The following RNF138 variants were observed in gnomAD, a reference collection of about 807,000 sequenced individuals.
RNF138 encodes E3 ubiquitin-protein ligase RNF138.
A neutral mutation model predicts 31.0 loss-of-function variants in RNF138; 12 were observed. That is an observed-to-expected ratio of 0.39 (90% confidence interval 0.25 to 0.63). The LOEUF (loss-of-function observed/expected upper bound fraction) is 0.63, where lower values mean the gene tolerates loss of function less well. RNF138 is among the 20% of genes least tolerant of loss of function. The probability of loss-of-function intolerance (pLI) is 0.52; values close to 1 mark genes in which losing one functional copy is unlikely to be tolerated. For missense variants in RNF138, 192 were observed against 300.1 expected, an observed-to-expected ratio of 0.64 and a Z score of 2.66; for synonymous variants, 105 against 99.5, an observed-to-expected ratio of 1.06 and a Z score of -0.33.
At chr18:32,101,824 A>G (rs903780848) in intron 2 of RNF138, among the ~76,000 whole-genome samples, 1 of 152,196 alleles carries the variant, frequency 6.6e-6, no homozygotes, top group African/African-American at 2.4e-5. Context: ...TCTAGAAGTC[A>G]CATTAAAATG....
At chr18:32,105,686 T>G (rs2040016786) in intron 2 of RNF138, among the ~76,000 whole-genome samples, 1 of 152,222 alleles carries the variant, frequency 6.6e-6, no homozygotes, top group South Asian at 2.1e-4. Flanking sequence ...TGGGGAATTC[T>G]TAAGACTGCA....
intron 4 of RNF138, among the ~76,000 whole-genome samples, chr18:32,116,737 TG>T (rs61555941): frequency 2.3e-4 from 34 of 150,550 alleles, no homozygotes; most frequent in African/African-American, 8.0e-4. Context: ...TTTTTTGGGG[TG>T]GGGGGGTGGT....
intron 1 of RNF138, chr18:32,092,482 CG>C: frequency 1.6e-5 from 6 of 380,284 alleles, no homozygotes; most frequent in South Asian, 1.4e-4. Flanking sequence ...GAGGGGCGAG[CG>C]GGGCGGGCCC....
At chr18:32,112,032 T>C in intron 3 of RNF138, 113 bp downstream of exon 3, 2 of 851,010 alleles carry the variant, frequency 2.4e-6, no homozygotes, top group Non-Finnish European at 3.4e-6. Flanking sequence ...GAAAGGTATT[T>C]AGACTGGGAA....
intron 2 of RNF138, among the ~76,000 whole-genome samples, chr18:32,106,547 AT>A (rs200968240): frequency 0.014 from 1,977 of 141,196 alleles, 37 homozygotes; most frequent in South Asian, 0.064. Flanking sequence ...TTTTTATTTT[AT>A]TTTATTTATT....
intron 2 of RNF138, among the ~76,000 whole-genome samples, chr18:32,104,295 A>G (rs75198676): frequency 0.029 from 4,378 of 152,050 alleles, 218 homozygotes; most frequent in African/African-American, 0.1. Flanking sequence ...TTACATGCAT[A>G]AGCCACCAGA....
chr18:32,096,049 A>T (rs1354272734), intron 2 of RNF138, among the ~76,000 whole-genome samples: 1 of 152,220 alleles, frequency 6.6e-6, no homozygotes, highest in Non-Finnish European at 1.5e-5. Context: ...CTGGACTTTG[A>T]AGTTTGGCTG....
intron 4 of RNF138, among the ~76,000 whole-genome samples, chr18:32,115,571 C>G (rs1341231894): frequency 2.0e-5 from 3 of 152,176 alleles, no homozygotes; most frequent in African/African-American, 4.8e-5. Flanking sequence ...ATGGTGAAAC[C>G]TTGTCTCTAC....
intron 7 of RNF138, among the ~76,000 whole-genome samples, chr18:32,127,806 C>G (rs1036830081): frequency 2.0e-5 from 3 of 152,156 alleles, no homozygotes; most frequent in Non-Finnish European, 4.4e-5. Flanking sequence ...CTAGGCAGGG[C>G]TTGGTGGCTC....
chr18:32,126,026 G>A (rs2040377960), intron 6 of RNF138, among the ~76,000 whole-genome samples: 1 of 152,184 alleles, frequency 6.6e-6, no homozygotes, highest in Non-Finnish European at 1.5e-5. Context: ...TTTGGCTAGA[G>A]TTTAATTACT....
chr18:32,092,676 C>T (rs1386072508), intron 1 of RNF138, 24 bp from the exon 2 acceptor site: 2 of 718,388 alleles, frequency 2.8e-6, no homozygotes, highest in African/African-American at 1.8e-5. Context: ...ATGCGATCCC[C>T]CTCCCCCCTC....
At position 32,130,456 on chromosome 18, in the gene RNF138, A is replaced by AAAG. The variant is rs1282986154; in HGVS notation, c.*1270_*1272dup. 6.6e-6 allele frequency: 1 copy of AAAG among 152,448 alleles called. No individual in the cohort carries two copies. Among genetic ancestry groups the AAAG allele is most frequent in the Non-Finnish European group, 1.5e-5 (1 of 67,886 alleles). The allele number at this position is 152,448 out of a possible 1,614,324, so 9.4% of individuals were successfully genotyped here. ...CTTAATATTCATTAGTGAGAATCAC[A>AAAG]AAGTATTTTGTAGAAGGCCCAAATC... On this transcript the variant is annotated 3_prime_UTR_variant, in exon 8 of 8. Coordinates refer to ENST00000261593, the MANE Select transcript of RNF138 (RefSeq NM_016271.5).
intron 7 of RNF138, among the ~76,000 whole-genome samples, chr18:32,127,691 T>A (rs574862270): frequency 9.3e-4 from 142 of 152,318 alleles, no homozygotes; most frequent in Middle Eastern, 3.4e-3. Flanking sequence ...AAATTCTCAT[T>A]GTAAGAAAGA....
At chr18:32,112,663 C>T (rs547664220) in intron 3 of RNF138, among the ~76,000 whole-genome samples, 1 of 152,230 alleles carries the variant, frequency 6.6e-6, no homozygotes, top group East Asian at 1.9e-4. Flanking sequence ...AACTGGGCAA[C>T]AAGAGCGAAA....
intron 2 of RNF138, among the ~76,000 whole-genome samples, chr18:32,110,097 C>T (rs898361431): frequency 9.2e-5 from 14 of 152,096 alleles, no homozygotes; most frequent in East Asian, 1.9e-4. Flanking sequence ...AGTGATCCTT[C>T]GCCTCAGCCT....
chr18:32,092,523 A>G (rs1460431485), intron 1 of RNF138, 177 bp from the exon 2 acceptor site: 2 of 474,606 alleles, frequency 4.2e-6, no homozygotes, highest in African/African-American at 4.2e-5. Context: ...GCCTCCCGCC[A>G]AGCACCGTCC....
intron 2 of RNF138, among the ~76,000 whole-genome samples, chr18:32,107,118 T>C (rs1383533324): frequency 7.6e-6 from 1 of 131,982 alleles, no homozygotes; most frequent in Non-Finnish European, 1.6e-5. Context: ...CTTTTTTCCT[T>C]TTTTTTTTTT....
chr18:32,128,978 T>A (rs995507642), intron 7 of RNF138, 141 bp from the exon 8 acceptor site: 1 of 600,530 alleles, frequency 1.7e-6, no homozygotes, highest in African/African-American at 1.8e-5. Flanking sequence ...GATACTGTTA[T>A]ATATGTTTTA....
rs190867020 is a variant in RNF138, at chr18:32,121,354, G to T, written c.393-2164G>T. On this transcript the variant is annotated intron_variant, in intron 4 of 7. Transcript: ENST00000261593. ...TTACTAAAAATACAAAATGAGCCGG[G>T]TGTGGTGGTACATGCCGGTAATCCT... Among the ~76,000 whole-genome samples, 267 of 152,188 alleles carry T rather than the reference G, an allele frequency of 1.8e-3. 1 individual carries two copies. The highest frequency in any genetic ancestry group is 2.9e-3 in the Non-Finnish European group (199 of 68,010).
Sources: allele counts gnomAD v4.1 joint callset (sites outside exome capture counted in the v4.1 genomes callset), GRCh38; gene constraint gnomAD v4.1.1; transcripts MANE v1.5; gene names NCBI Gene and HGNC (gene_info 2026-07-23, HGNC 2026-07-21).